Variants in SLC25A21 observed in about 807,000 individuals in gnomAD.
The protein encoded by SLC25A21 is solute carrier family 25 member 21.
Under a neutral mutation model 43.8 loss-of-function variants are expected in SLC25A21, and 47 were observed. That is an observed-to-expected ratio of 1.07 (90% CI 0.85 to 1.37). SLC25A21 has a LOEUF of 1.37. SLC25A21 is among the 40% of genes most tolerant of loss of function. The pLI is 0.00. For missense variants in SLC25A21, 352 were observed against 350.2 expected, an observed-to-expected ratio of 1.00 and a Z score of -0.04; for synonymous variants, 131 against 121.3, an observed-to-expected ratio of 1.08 and a Z score of -0.52.
intron 1 of SLC25A21, among the ~76,000 whole-genome samples, chr14:36,972,168 G>A (rs1034173160): frequency 5.6e-4 from 85 of 152,218 alleles, no homozygotes; most frequent in African/African-American, 2.0e-3. Context: ...GCAGTACCAT[G>A]CTGTACAGGT....
chr14:37,153,628 T>C (rs1473819838), intron 1 of SLC25A21, among the ~76,000 whole-genome samples: 2 of 152,150 alleles, frequency 1.3e-5, no homozygotes, highest in Non-Finnish European at 1.5e-5. Context: ...CCCAGGCTGT[T>C]GCCACAAAGA....
At chr14:36,874,400 T>C (rs1272208312) in intron 2 of SLC25A21, among the ~76,000 whole-genome samples, 2 of 152,198 alleles carry the variant, frequency 1.3e-5, no homozygotes, top group Non-Finnish European at 2.9e-5. Context: ...CCACAAAGTT[T>C]TGTTATTTTT....
intron 2 of SLC25A21, among the ~76,000 whole-genome samples, chr14:36,827,684 T>C (rs1888885620): frequency 1.3e-5 from 2 of 152,214 alleles, no homozygotes; most frequent in Admixed American, 1.3e-4. Context: ...TATTTGTTAG[T>C]GGTATTACTT....
At chr14:36,929,504 T>A (rs1293863987) in intron 1 of SLC25A21, among the ~76,000 whole-genome samples, 2 of 152,172 alleles carry the variant, frequency 1.3e-5, no homozygotes, top group African/African-American at 2.4e-5. Context: ...AAAAGGTAAG[T>A]CTGTTTCCAA....
intron 1 of SLC25A21, among the ~76,000 whole-genome samples, chr14:37,042,574 TA>T: frequency 6.6e-6 from 1 of 152,290 alleles, no homozygotes; most frequent in South Asian, 2.1e-4. Flanking sequence ...ATTTAATATG[TA>T]AAATATGTCT....
intron 7 of SLC25A21, among the ~76,000 whole-genome samples, chr14:36,704,068 G>A (rs867403127): frequency 1.2e-4 from 18 of 152,086 alleles, no homozygotes; most frequent in South Asian, 8.3e-4. Context: ...TTCCTCTATT[G>A]TAGTCACTTA....
intron 1 of SLC25A21, among the ~76,000 whole-genome samples, chr14:37,086,151 G>A (rs1962482728): frequency 6.6e-6 from 1 of 151,942 alleles, no homozygotes; most frequent in South Asian, 2.1e-4. Context: ...ACTACTTTGG[G>A]GGCCTGGGGT....
At chr14:36,833,097 G>T (rs1295113093) in intron 2 of SLC25A21, among the ~76,000 whole-genome samples, 1 of 152,188 alleles carries the variant, frequency 6.6e-6, no homozygotes, top group African/African-American at 2.4e-5. Context: ...ATACCAAAAA[G>T]AGGATACACA....
intron 2 of SLC25A21, among the ~76,000 whole-genome samples, chr14:36,854,410 A>G (rs1193704558): frequency 1.3e-5 from 2 of 152,316 alleles, no homozygotes; most frequent in African/African-American, 4.8e-5. Flanking sequence ...AGCAAACACA[A>G]GTAGTGTAAT....
intron 3 of SLC25A21, among the ~76,000 whole-genome samples, chr14:36,738,144 T>C (rs955246500): frequency 2.0e-5 from 3 of 152,180 alleles, no homozygotes; most frequent in Non-Finnish European, 4.4e-5. Flanking sequence ...AAATTTGCCC[T>C]TGAGCAGACC....
intron 1 of SLC25A21, among the ~76,000 whole-genome samples, chr14:36,922,100 C>T (rs1368053731): frequency 6.6e-6 from 1 of 150,688 alleles, no homozygotes; most frequent in Non-Finnish European, 1.5e-5. Flanking sequence ...GATTGCATCA[C>T]TGCACTCCAG....
intron 1 of SLC25A21, among the ~76,000 whole-genome samples, chr14:37,118,611 T>G (rs1222123707): frequency 6.6e-6 from 1 of 152,166 alleles, no homozygotes; most frequent in Non-Finnish European, 1.5e-5. Context: ...GTCCAACTTA[T>G]TTTTCTTATT....
intron 1 of SLC25A21, among the ~76,000 whole-genome samples, chr14:37,157,429 A>G (rs896205240): frequency 6.6e-6 from 1 of 152,186 alleles, no homozygotes. Flanking sequence ...AGAAATCAAT[A>G]GTAAGAGGAA....
chr14:36,678,998 G>A lies in SLC25A21; in HGVS notation c.*1660C>T, dbSNP rs1432915930. On this transcript the variant is annotated 3_prime_UTR_variant, in exon 10 of 10. Coordinates refer to ENST00000331299, the MANE Select transcript of SLC25A21 (RefSeq NM_030631.4). Reference sequence around the variant, plus strand: ...GACATATTTCCTCTATCTCATAGATGGTAAAAGTGTTGCTTTTAAACTGGC... The same window carrying A: ...GACATATTTCCTCTATCTCATAGATAGTAAAAGTGTTGCTTTTAAACTGGC... The A allele has an allele frequency of 3.1e-6, 3 of 955,628 alleles. No homozygotes were observed. Among genetic ancestry groups the A allele is most frequent in the South Asian group, 5.0e-5 (1 of 20,144 alleles). 59.2% of individuals were successfully genotyped at this position (955,628 alleles called of 1,614,324 possible). A position where few individuals can be genotyped will look rare whatever the true frequency, so the allele number is the denominator to read the frequency against.
chr14:37,099,717 T>A (rs910700192), intron 1 of SLC25A21, among the ~76,000 whole-genome samples: 1 of 152,172 alleles, frequency 6.6e-6, no homozygotes, highest in African/African-American at 2.4e-5. Flanking sequence ...AGGCTCCATA[T>A]TGGGAACTTT....
chr14:37,076,092 C>T (rs530323302), intron 1 of SLC25A21, among the ~76,000 whole-genome samples: 4 of 152,212 alleles, frequency 2.6e-5, no homozygotes, highest in Admixed American at 6.5e-5. Context: ...AGAAGCAACT[C>T]TAAAAAATGA....
intron 3 of SLC25A21, among the ~76,000 whole-genome samples, chr14:36,774,679 C>T (rs1886756560): frequency 6.6e-6 from 1 of 152,056 alleles, no homozygotes; most frequent in Non-Finnish European, 1.5e-5. Context: ...GGATCCTCCC[C>T]CTCAGCCTCC....
chr14:36,797,861 A>G (rs567042098), intron 3 of SLC25A21, among the ~76,000 whole-genome samples: 18 of 152,200 alleles, frequency 1.2e-4, no homozygotes, highest in Non-Finnish European at 2.1e-4. Context: ...TTGCCCCAAT[A>G]AACATTAGAT....
At chr14:37,061,028 G>A (rs1290144089) in intron 1 of SLC25A21, among the ~76,000 whole-genome samples, 1 of 152,162 alleles carries the variant, frequency 6.6e-6, no homozygotes, top group East Asian at 1.9e-4. Flanking sequence ...GGAAGTGAAT[G>A]CAGGTGGTTG....
Sources: allele counts gnomAD v4.1 joint callset (sites outside exome capture counted in the v4.1 genomes callset), GRCh38; gene constraint gnomAD v4.1.1; transcripts MANE v1.5; gene names NCBI Gene and HGNC (gene_info 2026-07-23, HGNC 2026-07-21).